GPR137B: variants seen among roughly 807,000 people sequenced by gnomAD.
GPR137B encodes G protein-coupled receptor 137B, also known as integral membrane protein GPR137B.
In GPR137B, 42 loss-of-function variants were observed where a neutral mutation model predicts 42.5. That is an observed-to-expected ratio of 0.99 (90% CI 0.77 to 1.28). The LOEUF is 1.28. Among genes scored for constraint, GPR137B ranks in the 50% most tolerant of loss-of-function variants. The pLI is 0.00. For missense variants in GPR137B, 487 were observed against 493.9 expected, an observed-to-expected ratio of 0.99 and a Z score of 0.13; for synonymous variants, 218 against 209.7, an observed-to-expected ratio of 1.04 and a Z score of -0.34.
intron 5 of GPR137B, among the ~76,000 whole-genome samples, chr1:236,184,464 G>A (rs12075576): frequency 0.023 from 3,504 of 152,226 alleles, 134 homozygotes; most frequent in African/African-American, 0.074. Flanking sequence ...ACCAAGTAGC[G>A]TGAGAAACCA....
At position 236,189,130 on chromosome 1, in the gene GPR137B, A is replaced by G. The variant is rs187313421; in HGVS notation, c.966+5224A>G. ...ATAGATGTGTTTATAGTATTCTTTG[A>G]TGGTAGTTTGTATTTCTGTGGGATT... On this transcript the variant is annotated intron_variant, in intron 5 of 6. Transcript: ENST00000366592. Among the ~76,000 whole-genome samples, 30 of 152,164 alleles carry G rather than the reference A, an allele frequency of 2.0e-4. No individual in the cohort carries two copies. The East Asian group carries it at 5.0e-3, about 25-fold the overall frequency.
chr1:236,154,936 A>G (rs1481875175), intron 1 of GPR137B, among the ~76,000 whole-genome samples: 1 of 152,106 alleles, frequency 6.6e-6, no homozygotes, highest in East Asian at 1.9e-4. Flanking sequence ...GTACATTTAG[A>G]ACAATTAGGG....
rs773285461 is a variant in GPR137B at position 236,168,755 on chromosome 1, G to A, written c.464G>A (p.Arg155Gln). The A allele has an allele frequency of 1.4e-5, 23 of 1,593,536 alleles. No homozygotes were observed. Among genetic ancestry groups the A allele is most frequent in the South Asian group, 6.6e-5 (6 of 90,676 alleles). ...TATTCTCCAGAATTACTCAAATACC[G>A]GTAAGTACTGCAGGGCATCTCTTTC... ...SKYSPELLKY[R>Q]LPLYLASLFI... Residue 155 changes from arginine (R) to glutamine (Q), a missense_variant and splice_region_variant, in exon 2 of 7, where the codon CGG (arginine) becomes CAG (glutamine). Coordinates refer to ENST00000366592, the MANE Select transcript of GPR137B (RefSeq NM_003272.4).
intron 5 of GPR137B, among the ~76,000 whole-genome samples, chr1:236,184,126 A>G (rs1338881117): frequency 6.6e-6 from 1 of 152,200 alleles, no homozygotes; most frequent in Non-Finnish European, 1.5e-5. Context: ...TGAAACTATT[A>G]TAAGTTGCAT....
intron 5 of GPR137B, among the ~76,000 whole-genome samples, chr1:236,187,642 A>G (rs1248712260): frequency 1.3e-5 from 2 of 151,918 alleles, no homozygotes; most frequent in Non-Finnish European, 2.9e-5. Flanking sequence ...ATGGTTGTAC[A>G]TGTGTGGTAT....
rs947768258 is a variant in GPR137B at position 236,154,871 on chromosome 1, G to A, written c.414+11835G>A. 3.9e-5 allele frequency among the ~76,000 whole-genome samples: 6 copies of A among 152,218 alleles called. No homozygotes were observed. In the South Asian group the frequency reaches 1.0e-3, roughly 26 times the overall value. On this transcript the variant is annotated intron_variant, in intron 1 of 6. Coordinates refer to ENST00000366592, the MANE Select transcript of GPR137B (RefSeq NM_003272.4). ...CTGCCATAGGGCCCAGTGGGCCAGC[G>A]CTGGCCACCGGGAGAAATGCATCCT...
chr1:236,195,847 G>T (rs1459552758), intron 5 of GPR137B, among the ~76,000 whole-genome samples: 1 of 152,150 alleles, frequency 6.6e-6, no homozygotes, highest in Non-Finnish European at 1.5e-5. Flanking sequence ...TTTCTCTGAT[G>T]ATCATTGATG....
chr1:236,186,277 A>AATATATATAAT (rs1174281631), intron 5 of GPR137B, among the ~76,000 whole-genome samples: 9 of 17,956 alleles, frequency 5.0e-4, no homozygotes, highest in African/African-American at 2.0e-3. Context: ...TATTATATAT[A>AATATATATAAT]ATAATATAAA....
intron 1 of GPR137B, among the ~76,000 whole-genome samples, chr1:236,148,411 C>T (rs989237251): frequency 5.9e-5 from 9 of 152,178 alleles, no homozygotes; most frequent in African/African-American, 9.7e-5. Flanking sequence ...TCCAGATTCC[C>T]GAGTTTGGCA....
At position 236,199,979 on chromosome 1, in the gene GPR137B, T is replaced by G. The variant is rs147964493; in HGVS notation, c.967-5147T>G. Reference sequence around the variant, plus strand: ...TTTGTGCTCTTCCAGACTTTTTTGATGTAGGAATTTAATGCTGTCAACTTT... The same window carrying G: ...TTTGTGCTCTTCCAGACTTTTTTGAGGTAGGAATTTAATGCTGTCAACTTT... On this transcript the variant is annotated intron_variant, in intron 5 of 6. Coordinates refer to ENST00000366592, the MANE Select transcript of GPR137B (RefSeq NM_003272.4). Among the ~76,000 whole-genome samples the G allele has an allele frequency of 2.9e-3, 435 of 152,118 alleles. 8 individuals are homozygous for G. The highest frequency in any genetic ancestry group is 0.01 in the African/African-American group (418 of 41,400).
chr1:236,199,694 C>T (rs1228092545), intron 5 of GPR137B, among the ~76,000 whole-genome samples: 2 of 151,698 alleles, frequency 1.3e-5, no homozygotes, highest in Admixed American at 6.6e-5. Flanking sequence ...TCTGTGGTAT[C>T]GGTTGTAATA....
chr1:236,168,581 T>C, intron 1 of GPR137B, 125 bp from the exon 2 acceptor site: 1 of 723,166 alleles, frequency 1.4e-6, no homozygotes, highest in Non-Finnish European at 2.5e-6. Flanking sequence ...AACGTGGACA[T>C]TTCAATTATA....
chr1:236,159,938 G>C (rs1439791429), intron 1 of GPR137B, among the ~76,000 whole-genome samples: 1 of 152,232 alleles, frequency 6.6e-6, no homozygotes, highest in African/African-American at 2.4e-5. Flanking sequence ...CCCAGCGCCT[G>C]ACAGCGGCCA....
intron 2 of GPR137B, among the ~76,000 whole-genome samples, chr1:236,175,203 A>G (rs1662649783): frequency 6.6e-6 from 1 of 152,166 alleles, no homozygotes; most frequent in Non-Finnish European, 1.5e-5. Flanking sequence ...TAAAAAATAC[A>G]GAAAATCATA....
intron 1 of GPR137B, among the ~76,000 whole-genome samples, chr1:236,160,623 A>G (rs1475229759): frequency 2.0e-5 from 3 of 152,136 alleles, no homozygotes; most frequent in Non-Finnish European, 2.9e-5. Context: ...TGCATTTCAC[A>G]AACATGCGCT....
At chr1:236,174,577 C>T (rs1325216397) in intron 2 of GPR137B, among the ~76,000 whole-genome samples, 1 of 152,116 alleles carries the variant, frequency 6.6e-6, no homozygotes, top group Admixed American at 6.5e-5. Context: ...CTGACCTTGA[C>T]AATGGATTAT....
chr1:236,169,920 G>T (rs1339136314), intron 2 of GPR137B, among the ~76,000 whole-genome samples: 1 of 151,562 alleles, frequency 6.6e-6, no homozygotes, highest in African/African-American at 2.4e-5. Context: ...CACATCTGTT[G>T]TCTCAGCTAC....
chr1:236,171,149 T>C lies in GPR137B; in HGVS notation c.464+2394T>C, dbSNP rs1662525996. ...TAACTCAGCATAAAACAGTTGTAAC[T>C]GTGTTTTGACTGCAATCCATCACAT... is the stretch of plus-strand genomic sequence containing the variant. On this transcript the variant is annotated intron_variant, in intron 2 of 6. Transcript: ENST00000366592. This position sits in a 1 kb window ranked among gnomAD's most constrained non-coding sequence, Gnocchi z 4.4. Among the ~76,000 whole-genome samples, 1 of 152,198 alleles carries C rather than the reference T, an allele frequency of 6.6e-6. No individual in the cohort carries two copies. The highest frequency in any genetic ancestry group is 1.5e-5 in the Non-Finnish European group (1 of 68,036).
At chr1:236,202,586 C>T (rs1218257999) in intron 5 of GPR137B, among the ~76,000 whole-genome samples, 1 of 151,784 alleles carries the variant, frequency 6.6e-6, no homozygotes. Context: ...AGCCCTATCT[C>T]CTATCCACCA....
Sources: allele counts gnomAD v4.1 joint callset (sites outside exome capture counted in the v4.1 genomes callset), GRCh38; gene constraint gnomAD v4.1.1; non-coding constraint Gnocchi (gnomAD v3.1); transcripts MANE v1.5; gene names NCBI Gene and HGNC (gene_info 2026-07-23, HGNC 2026-07-21).